ENPP3: variants seen among roughly 807,000 people sequenced by gnomAD.
The protein encoded by ENPP3 is ectonucleotide pyrophosphatase/phosphodiesterase family member 3.
Under a neutral mutation model 117.8 loss-of-function variants are expected in ENPP3, and 104 were observed. The observed-to-expected ratio is 0.88, with a 90% confidence interval of 0.75 to 1.04. ENPP3 has a LOEUF of 1.04. ENPP3 is among the 50% of genes least tolerant of loss of function. The probability of loss-of-function intolerance (pLI) is 0.00; values close to 1 mark genes in which losing one functional copy is unlikely to be tolerated. For missense variants in ENPP3, 1,026 were observed against 1,051.9 expected (o/e 0.98, Z 0.34); for synonymous variants, 380 against 349.9 (o/e 1.09, Z -0.96).
In ENPP3 at chr6:131,650,012, T is replaced by C. The variant is rs1157089201; in HGVS notation, c.155-15T>C. 8 of 1,613,666 alleles carry C rather than the reference T, an allele frequency of 5.0e-6. No individual in the cohort carries two copies. The Middle Eastern group carries it at 4.9e-4, about 100-fold the overall frequency. On this transcript the variant is annotated splice_polypyrimidine_tract_variant and intron_variant, in intron 2 of 24. Transcript: ENST00000357639. ...AGCTCCTAAATGTTCGGGCCCTATTTCCTTTACTTTGTAGGCAGCTGCAGG... is the reference window on the plus strand; with the variant it reads ...AGCTCCTAAATGTTCGGGCCCTATTCCCTTTACTTTGTAGGCAGCTGCAGG...
intron 6 of ENPP3, among the ~76,000 whole-genome samples, chr6:131,660,084 A>G (rs1017098970): frequency 2.0e-5 from 3 of 152,228 alleles, no homozygotes; most frequent in African/African-American, 7.2e-5. Context: ...AGGCCTACCT[A>G]GGCAAAATAG....
chr6:131,712,911 A>G (rs989817297), intron 15 of ENPP3, among the ~76,000 whole-genome samples: 22 of 150,220 alleles, frequency 1.5e-4, no homozygotes, highest in Admixed American at 8.0e-4. Context: ...CTGACTTGCT[A>G]CAACAATGTT....
chr6:131,653,204 A>T (rs1778302688), intron 5 of ENPP3, among the ~76,000 whole-genome samples: 1 of 151,966 alleles, frequency 6.6e-6, no homozygotes, highest in Non-Finnish European at 1.5e-5. Flanking sequence ...ATCACAGCTC[A>T]CTGCAGTCTT....
At chr6:131,736,259 T>C (rs926270341) in intron 21 of ENPP3, among the ~76,000 whole-genome samples, 1 of 152,210 alleles carries the variant, frequency 6.6e-6, no homozygotes, top group Non-Finnish European at 1.5e-5. Context: ...CAGCAGTCTC[T>C]ATTAGTCAGT....
intron 7 of ENPP3, among the ~76,000 whole-genome samples, chr6:131,671,619 C>A (rs911891859): frequency 1.3e-5 from 2 of 152,136 alleles, no homozygotes; most frequent in Non-Finnish European, 2.9e-5. Context: ...TTTCGATTGC[C>A]CTTTGTTTAT....
chr6:131,693,397 T>A, intron 14 of ENPP3, 100 bp from the exon 15 acceptor site: 2 of 1,054,468 alleles, frequency 1.9e-6, no homozygotes, highest in Non-Finnish European at 2.8e-6. Context: ...GAAATCCCCT[T>A]ACTTTTAAAA....
chr6:131,711,012 C>T (rs903151815), intron 15 of ENPP3: 2 of 1,592,186 alleles, frequency 1.3e-6, no homozygotes, highest in Non-Finnish European at 1.7e-6. Flanking sequence ...CACCAGGCTC[C>T]TCCATAGCGT....
chr6:131,675,095 A>T lies in ENPP3; in HGVS notation c.778A>T (p.Met260Leu). The change falls in exon 9 of 25, where the codon ATG (methionine) becomes TTG (leucine). Residue 260 changes from methionine (M) to leucine (L), a missense_variant. Met to Leu is a conservative substitution (Grantham distance 15). Transcript: ENST00000357639. ...TTTCTTACAGATGTGGCTGACAGCA[A>T]TGTATCAAGGTTTAAAAGCCGCTAC... ...WHGQPMWLTA[M>L]YQGLKAATYF... 6.2e-7 allele frequency: 1 copy of T among 1,612,682 alleles called. No individual in the cohort carries two copies. The highest frequency in any genetic ancestry group is 8.5e-7 in the Non-Finnish European group (1 of 1,178,724).
At chr6:131,691,946 C>T (rs1779291019) in intron 14 of ENPP3, among the ~76,000 whole-genome samples, 1 of 152,162 alleles carries the variant, frequency 6.6e-6, no homozygotes, top group Non-Finnish European at 1.5e-5. Context: ...CAAGAAAAAA[C>T]TGGCAAAAAT....
chr6:131,716,512 CCAAAAAACTTAGT>C (rs1779890976), intron 15 of ENPP3, among the ~76,000 whole-genome samples: 2 of 151,464 alleles, frequency 1.3e-5, no homozygotes, highest in South Asian at 4.2e-4. Context: ...AGAAAATTTA[CCAAAAAACTTAGT>C]CAAAAAACCT....
intron 14 of ENPP3, 60 bp downstream of exon 14, chr6:131,685,967 T>C: frequency 1.8e-6 from 1 of 554,464 alleles, no homozygotes; most frequent in Non-Finnish European, 3.3e-6. Flanking sequence ...TTAATCTGGG[T>C]TTTTGAGAAA....
chr6:131,649,980 A>G, intron 2 of ENPP3, 47 bp from the exon 3 acceptor site: 6 of 1,611,280 alleles, frequency 3.7e-6, no homozygotes, highest in Non-Finnish European at 5.1e-6. Context: ...GGTATGAGAT[A>G]TTGAATAGCT....
At chr6:131,719,982 C>A (rs1779979543) in intron 16 of ENPP3, among the ~76,000 whole-genome samples, 2 of 151,886 alleles carry the variant, frequency 1.3e-5, no homozygotes, top group Non-Finnish European at 2.9e-5. Context: ...AATATTGTGC[C>A]CATATTGCAG....
chr6:131,639,280 T>A (rs1777993871), intron 1 of ENPP3, among the ~76,000 whole-genome samples: 1 of 138,288 alleles, frequency 7.2e-6, no homozygotes, highest in Non-Finnish European at 1.6e-5. Context: ...TTTTTTTTTC[T>A]CTCTCTCTTT....
chr6:131,730,914 C>CAAAAA (rs528990087), intron 20 of ENPP3, among the ~76,000 whole-genome samples: 18 of 98,150 alleles, frequency 1.8e-4, no homozygotes, highest in African/African-American at 6.1e-4. Context: ...GACTCCATCT[C>CAAAAA]AAAAAAAAAA....
intron 7 of ENPP3, among the ~76,000 whole-genome samples, chr6:131,672,761 C>T (rs1778773494): frequency 6.6e-6 from 1 of 151,172 alleles, no homozygotes; most frequent in Non-Finnish European, 1.5e-5. Context: ...TATTTTTATA[C>T]ATATATATGC....
intron 3 of ENPP3, among the ~76,000 whole-genome samples, chr6:131,650,709 A>T (rs139904809): frequency 1.1e-4 from 16 of 152,134 alleles, no homozygotes; most frequent in African/African-American, 3.9e-4. Flanking sequence ...AATCCGCTCC[A>T]TGCCTCTCTC....
Position 131,738,037 on chromosome 6 carries a change from G to A in ENPP3, c.2174G>A (p.Trp725Ter). The change falls in exon 23 of 25, where the codon TGG becomes TAG. Residue 725 changes from tryptophan to a stop codon, truncating the protein, a stop_gained. Transcript: ENST00000357639. LOFTEE classifies it high-confidence loss of function. ...TTTATGATTTTATTTTTAGAAATGT[G>A]GGACTACTTCCACAGTGTTCTTCTT... The part of the protein sequence containing the change: ...VPMYEEFRKM[W>*]DYFHSVLLIK... The A allele has an allele frequency of 2.5e-6, 4 of 1,585,940 alleles. No individual in the cohort carries two copies. The highest frequency in any genetic ancestry group is 3.4e-6 in the Non-Finnish European group (4 of 1,165,678).
At chr6:131,650,300 G>T in intron 3 of ENPP3, 151 bp downstream of exon 3, 1 of 764,724 alleles carries the variant, frequency 1.3e-6, no homozygotes, top group Admixed American at 2.3e-5. Flanking sequence ...GCCAACTCCA[G>T]ACTTGATCTC....
Sources: allele counts gnomAD v4.1 joint callset (sites outside exome capture counted in the v4.1 genomes callset), GRCh38; gene constraint gnomAD v4.1.1; transcripts MANE v1.5; gene names NCBI Gene and HGNC (gene_info 2026-07-23, HGNC 2026-07-21).